The following CERS6 variants were observed in gnomAD, a reference collection of about 807,000 sequenced individuals.
The protein encoded by CERS6 is ceramide synthase 6, also known as LAG1 homolog, ceramide synthase 6.
Under a neutral mutation model 56.8 loss-of-function variants are expected in CERS6, and 26 were observed. That is an observed-to-expected ratio of 0.46 (90% CI 0.34 to 0.63). The LOEUF (loss-of-function observed/expected upper bound fraction) is 0.63. Ranked by LOEUF, CERS6 falls within the 30% of genes least tolerant of loss-of-function variation. The pLI, the probability that CERS6 is intolerant of heterozygous loss-of-function variation, is 0.01. For synonymous variants in CERS6, 164 were observed against 173.3 expected (o/e 0.95, Z 0.42); for missense variants, 415 against 467.5 (o/e 0.89, Z 1.04).
intron 8 of CERS6, among the ~76,000 whole-genome samples, chr2:168,745,973 A>G (rs1166134938): frequency 6.6e-6 from 1 of 152,224 alleles, no homozygotes; most frequent in Non-Finnish European, 1.5e-5. Flanking sequence ...TGAACTGGAT[A>G]TGGTGCATAC....
At chr2:168,615,376 T>C (rs978428404) in intron 3 of CERS6, among the ~76,000 whole-genome samples, 5 of 151,930 alleles carry the variant, frequency 3.3e-5, no homozygotes, top group African/African-American at 1.2e-4. Flanking sequence ...AAATCCCTGA[T>C]TGACCTGAAA....
intron 1 of CERS6, among the ~76,000 whole-genome samples, chr2:168,541,999 G>A (rs961213500): frequency 1.5e-4 from 23 of 152,142 alleles, no homozygotes; most frequent in African/African-American, 5.6e-4. Context: ...GGGTAGAGCT[G>A]CAGAATAAAT....
chr2:168,498,647 C>T (rs1035112257), intron 1 of CERS6, among the ~76,000 whole-genome samples: 8 of 152,180 alleles, frequency 5.3e-5, no homozygotes, highest in Non-Finnish European at 8.8e-5. Context: ...CTCTTTATAT[C>T]AAAAGATGAA....
intron 1 of CERS6, among the ~76,000 whole-genome samples, chr2:168,535,781 A>G (rs1695252712): frequency 7.1e-6 from 1 of 140,340 alleles, no homozygotes; most frequent in African/African-American, 2.7e-5. Flanking sequence ...ATTTTTAATT[A>G]AACTTCGACA....
At chr2:168,714,149 T>G (rs1687168568) in intron 6 of CERS6, among the ~76,000 whole-genome samples, 1 of 152,150 alleles carries the variant, frequency 6.6e-6, no homozygotes, top group Non-Finnish European at 1.5e-5. Flanking sequence ...TTCTCTGGGG[T>G]CCCTTTTACA....
At chr2:168,483,950 G>A (rs1053571469) in intron 1 of CERS6, among the ~76,000 whole-genome samples, 1 of 152,008 alleles carries the variant, frequency 6.6e-6, no homozygotes, top group East Asian at 1.9e-4. Flanking sequence ...AAGTTCCCTG[G>A]TTATGCTGAT....
At chr2:168,503,106 T>A in intron 1 of CERS6, among the ~76,000 whole-genome samples, 1 of 152,028 alleles carries the variant, frequency 6.6e-6, no homozygotes, top group Non-Finnish European at 1.5e-5. Context: ...TCTCATGAGA[T>A]CTGATGGTTT....
chr2:168,604,058 C>T (rs971730110), intron 3 of CERS6, among the ~76,000 whole-genome samples: 10 of 152,088 alleles, frequency 6.6e-5, no homozygotes, highest in African/African-American at 1.7e-4. Flanking sequence ...AAAATGAAAA[C>T]GTGTTAGAAG....
At chr2:168,609,333 GA>G in intron 3 of CERS6, among the ~76,000 whole-genome samples, 1 of 152,298 alleles carries the variant, frequency 6.6e-6, no homozygotes, top group African/African-American at 2.4e-5. Flanking sequence ...AAAATCTTAT[GA>G]TGAAATCTTT....
chr2:168,586,213 T>TAA (rs57792343), intron 3 of CERS6, among the ~76,000 whole-genome samples: 101 of 139,802 alleles, frequency 7.2e-4, no homozygotes, highest in African/African-American at 2.1e-3. Flanking sequence ...AAGATACCTT[T>TAA]AAAAAAAAAA....
intron 1 of CERS6, among the ~76,000 whole-genome samples, chr2:168,514,171 G>A (rs978122653): frequency 6.6e-5 from 10 of 152,242 alleles, no homozygotes; most frequent in South Asian, 4.2e-4. Context: ...GTTTAGTTAC[G>A]AATAGTCAGA....
chr2:168,561,070 C>T (rs1574066613), intron 2 of CERS6, 122 bp from the exon 3 acceptor site: 3 of 982,866 alleles, frequency 3.1e-6, no homozygotes. Flanking sequence ...ATATAGAAAT[C>T]TCAGTAGCAG....
intron 3 of CERS6, among the ~76,000 whole-genome samples, chr2:168,596,181 C>T (rs1683792903): frequency 6.6e-6 from 1 of 151,980 alleles, no homozygotes; most frequent in Non-Finnish European, 1.5e-5. Context: ...AGACTTGGAT[C>T]CTAGTCATGA....
rs112552190 is a variant in CERS6 at position 168,756,397 on chromosome 2, G to A, written c.846-9195G>A. Among the ~76,000 whole-genome samples the A allele has an allele frequency of 4.1e-3, 617 of 152,256 alleles. 4 individuals carry two copies. The highest frequency in any genetic ancestry group is 0.014 in the African/African-American group (588 of 41,556). ...CCCAGTTGAATTTAAAAAGATCTTT[G>A]GTTTTGTGTCTTGAATATTTTGTGT... On this transcript the variant is annotated intron_variant, in intron 8 of 9. Coordinates refer to ENST00000305747, the MANE Select transcript of CERS6 (RefSeq NM_203463.3).
chr2:168,637,209 G>C (rs1684880078), intron 4 of CERS6, among the ~76,000 whole-genome samples: 1 of 152,192 alleles, frequency 6.6e-6, no homozygotes, highest in Non-Finnish European at 1.5e-5. Flanking sequence ...CAGGCACGGT[G>C]GCTCACGCCT....
chr2:168,598,652 T>C (rs1452452142), intron 3 of CERS6, among the ~76,000 whole-genome samples: 1 of 152,142 alleles, frequency 6.6e-6, no homozygotes, highest in Non-Finnish European at 1.5e-5. Context: ...AAGGTCCCAA[T>C]TCCCCAACCA....
chr2:168,535,422 T>C (rs1375630611), intron 1 of CERS6, among the ~76,000 whole-genome samples: 1 of 152,168 alleles, frequency 6.6e-6, no homozygotes, highest in Non-Finnish European at 1.5e-5. Context: ...GCATGTTCAC[T>C]TACTGCTTCC....
At chr2:168,589,172 G>A (rs1427014078) in intron 3 of CERS6, among the ~76,000 whole-genome samples, 3 of 152,084 alleles carry the variant, frequency 2.0e-5, no homozygotes, top group African/African-American at 7.2e-5. Flanking sequence ...AGTAAACAAG[G>A]GTTCCAATTT....
intron 8 of CERS6, among the ~76,000 whole-genome samples, chr2:168,734,219 A>T (rs981561219): frequency 4.6e-5 from 7 of 152,176 alleles, no homozygotes; most frequent in African/African-American, 1.7e-4. Flanking sequence ...GTGGACGTAG[A>T]CTACTTGTTT....
Sources: allele counts gnomAD v4.1 joint callset (sites outside exome capture counted in the v4.1 genomes callset), GRCh38; gene constraint gnomAD v4.1.1; transcripts MANE v1.5; gene names NCBI Gene and HGNC (gene_info 2026-07-23, HGNC 2026-07-21).